MAGEA8: variants seen among roughly 807,000 people sequenced by gnomAD.
MAGEA8 encodes the protein MAGE family member A8.
For missense variants in MAGEA8, 229 were observed against 251.1 expected, an observed-to-expected ratio of 0.91 and a Z score of 0.59; for synonymous variants, 104 against 102.6, an observed-to-expected ratio of 1.01 and a Z score of -0.08.
chrX:149,885,420 A>C lies in MAGEA8; in HGVS notation c.*191A>C. On this transcript the variant is annotated 3_prime_UTR_variant, in exon 3 of 3. Coordinates refer to ENST00000286482, the MANE Select transcript of MAGEA8 (RefSeq NM_005364.5). ...GGTGTGAGGGAACACAGTGTGGACCATCTCTCAGTTCCTGTTCTATTGGGC... is the reference window on the plus strand; with the variant it reads ...GGTGTGAGGGAACACAGTGTGGACCCTCTCTCAGTTCCTGTTCTATTGGGC... The C allele has an allele frequency of 2.6e-6, 1 of 385,610 alleles. No individual in the cohort carries two copies. The allele number at this position is 385,610 out of a possible 1,213,427, so 31.8% of individuals were successfully genotyped here. A position where few individuals can be genotyped will look rare whatever the true frequency, so the allele number is the denominator to read the frequency against.
rs781844689 is a variant in MAGEA8 at position 149,884,576 on chromosome X, G to C, written c.304G>C (p.Ala102Pro). The change falls in exon 3 of 3, where the codon GCT becomes CCT. Residue 102 changes from alanine (A) to proline (P), a missense_variant. Physicochemically the swap from Ala to Pro is conservative, Grantham distance 27. Coordinates refer to ENST00000286482, the MANE Select transcript of MAGEA8 (RefSeq NM_005364.5). ...EEGPSTSPDPAHLESLFREAL... is the reference protein window; with the variant it reads ...EEGPSTSPDPPHLESLFREAL... ...GGGGCCAAGCACCTCCCCGGACCCAGCTCACCTGGAGTCCCTGTTCCGGGA... is the reference window on the plus strand; with the variant it reads ...GGGGCCAAGCACCTCCCCGGACCCACCTCACCTGGAGTCCCTGTTCCGGGA... 1 of 1,211,334 alleles carries C rather than the reference G, an allele frequency of 8.3e-7. No individual in the cohort carries two copies. Among genetic ancestry groups the C allele is most frequent in the East Asian group, 3.0e-5 (1 of 33,856 alleles).
Position 149,885,223 on chromosome X carries a change from A to G in MAGEA8, c.951A>G (p.Gly317=). The change falls in exon 3 of 3, where the codon GGA becomes GGG. Residue 317 remains glycine, a synonymous_variant. Transcript: ENST00000286482. ...AAGAGGCTTTGGGAGAGGAGAAAGGAGTTTGAGCAGGAGTTGCAGCTAGGG... is the reference window on the plus strand; with the variant it reads ...AAGAGGCTTTGGGAGAGGAGAAAGGGGTTTGAGCAGGAGTTGCAGCTAGGG... ...LHEEALGEEK[G]V The G allele has an allele frequency of 8.5e-7, 1 of 1,183,273 alleles. No individual in the cohort carries two copies. Among genetic ancestry groups the G allele is most frequent in the Non-Finnish European group, 1.1e-6 (1 of 879,904 alleles).
intron 1 of MAGEA8, among the ~76,000 whole-genome samples, chrX:149,882,563 A>G (rs5983914): frequency 2.0e-4 from 22 of 110,857 alleles, no homozygotes; most frequent in African/African-American, 6.6e-4. Context: ...TTTGTGATGA[A>G]TGGGGGTACT....
In MAGEA8 at chrX:149,885,410, A is replaced by C; in HGVS notation, c.*181A>C. 2.5e-6 allele frequency: 1 copy of C among 394,901 alleles called. No individual in the cohort carries two copies. The highest frequency in any genetic ancestry group is 4.5e-6 in the Non-Finnish European group (1 of 223,839). The allele number at this position is 394,901 out of a possible 1,213,427, so 32.5% of individuals were successfully genotyped here. ...GAGCATGTTGGGTGTGAGGGAACAC[A>C]GTGTGGACCATCTCTCAGTTCCTGT... On this transcript the variant is annotated 3_prime_UTR_variant, in exon 3 of 3. Transcript: ENST00000286482.
chrX:149,884,418 C>A lies in MAGEA8; in HGVS notation c.146C>A (p.Thr49Asn). 1 of 1,211,174 alleles carries A rather than the reference C, an allele frequency of 8.3e-7. No individual in the cohort carries two copies. Among genetic ancestry groups the A allele is most frequent in the Non-Finnish European group, 1.1e-6 (1 of 894,999 alleles). Residue 49 changes from threonine to asparagine, a missense_variant, in exon 3 of 3, where the codon ACC becomes AAC. Coordinates refer to ENST00000286482, the MANE Select transcript of MAGEA8 (RefSeq NM_005364.5). The stretch of plus-strand genomic sequence containing the variant: ...TCCTCCTCTACTCTGATCATGGGAA[C>A]CCTTGAGGAGGTGACTGATTCTGGG... ...ASSSSTLIMG[T>N]LEEVTDSGSP...
At chrX:149,881,591 A>AGGCATGGCGGCCGGGCATGGCGGCCG (rs781824148) in intron 1 of MAGEA8, among the ~76,000 whole-genome samples, 2,542 of 73,153 alleles carry the variant, frequency 0.035, 184 homozygotes, top group East Asian at 0.064. Context: ...GGGAAGCCCT[A>AGGCATGGCGGCCGGGCATGGCGGCCG]GGCATGGCGG....
chrX:149,885,563 T>C lies in MAGEA8; in HGVS notation c.*334T>C, dbSNP rs938678739. On this transcript the variant is annotated 3_prime_UTR_variant, in exon 3 of 3. Coordinates refer to ENST00000286482, the MANE Select transcript of MAGEA8 (RefSeq NM_005364.5). The stretch of plus-strand genomic sequence containing the variant: ...GACAGTAGACAGACTTACTGCTTTT[T>C]ATATAGTTTAGGAGTAAGAGTCTTG... 1 of 312,460 alleles carries C rather than the reference T, an allele frequency of 3.2e-6. No homozygotes were observed. The highest frequency in any genetic ancestry group is 2.7e-5 in the African/African-American group (1 of 36,953). 25.8% of individuals were successfully genotyped at this position (312,460 alleles called of 1,213,427 possible). A position where few individuals can be genotyped will look rare whatever the true frequency, so the allele number is the denominator to read the frequency against.
Position 149,884,760 on chromosome X carries a change from T to C in MAGEA8, c.488T>C (p.Val163Ala). The C allele has an allele frequency of 8.3e-7, 1 of 1,211,305 alleles. No individual in the cohort carries two copies. The highest frequency in any genetic ancestry group is 1.1e-6 in the Non-Finnish European group (1 of 895,093). ...AGCAAAGCCTCTGAGTGCATGCAGG[T>C]GATCTTTGGCATTGATGTGAAGGAA... is the stretch of plus-strand genomic sequence containing the variant. ...IFSKASECMQ[V>A]IFGIDVKEVD... Residue 163 changes from valine to alanine, a missense_variant, in exon 3 of 3, where the codon GTG (valine) becomes GCG (alanine). By Grantham distance (64) the Val-to-Ala change is moderately conservative (BLOSUM62 0). Coordinates refer to ENST00000286482, the MANE Select transcript of MAGEA8 (RefSeq NM_005364.5).
intron 1 of MAGEA8, among the ~76,000 whole-genome samples, chrX:149,882,500 T>A (rs2090737306): frequency 9.0e-6 from 1 of 111,087 alleles, no homozygotes; most frequent in African/African-American, 3.3e-5. Context: ...GAGCCACACC[T>A]GTTCAACAGA....
rs2090747968 is a variant in MAGEA8, at chrX:149,884,358, A to C, written c.86A>C (p.Gln29Pro). The change falls in exon 3 of 3, where the codon CAG (glutamine) becomes CCG (proline). Residue 29 changes from glutamine to proline, a missense_variant. Coordinates refer to ENST00000286482, the MANE Select transcript of MAGEA8 (RefSeq NM_005364.5). The stretch of plus-strand genomic sequence containing the variant: ...GAGGCACCAGGGCTTATGGATGTGC[A>C]GATTCCCACAGCTGAGGAGCAGAAG... ...QGEAPGLMDV[Q>P]IPTAEEQKAA... 4 of 1,209,909 alleles carry C rather than the reference A, an allele frequency of 3.3e-6. No individual in the cohort carries two copies. In the African/African-American group the frequency reaches 5.2e-5, roughly 16 times the overall value.
chrX:149,881,591 AGGCATGGCGGCCGGGCATGGCGGCCG>A (rs781824148), intron 1 of MAGEA8, among the ~76,000 whole-genome samples: 3,932 of 73,247 alleles, frequency 0.054, 76 homozygotes, highest in Admixed American at 0.073. Flanking sequence ...GGGAAGCCCT[AGGCATGGCGGCCGGGCATGGCGGCCG>A]GGCATGGCGG....
At chrX:149,882,549 T>C (rs1797218022) in intron 1 of MAGEA8, among the ~76,000 whole-genome samples, 2 of 110,821 alleles carry the variant, frequency 1.8e-5, no homozygotes, top group Admixed American at 1.9e-4. Flanking sequence ...CAAGATGTGC[T>C]CACTTTGTGA....
At chrX:149,883,854 C>T (rs1440055871) in intron 1 of MAGEA8, 1 of 123,984 alleles carries the variant, frequency 8.1e-6, no homozygotes, top group African/African-American at 3.2e-5. Context: ...AGGTCTTGGT[C>T]TGAGGCAGTA....
At position 149,884,240 on chromosome X, in the gene MAGEA8, C is replaced by A; in HGVS notation, c.-33C>A. 1 of 1,126,572 alleles carries A rather than the reference C, an allele frequency of 8.9e-7. No homozygotes were observed. Among genetic ancestry groups the A allele is most frequent in the Non-Finnish European group, 1.2e-6 (1 of 831,758 alleles). 92.8% of individuals were successfully genotyped at this position (1,126,572 alleles called of 1,213,427 possible). ...TGGGTCTCAATTGCCCAGCTCCGGC[C>A]CACACTCTCCTGCTGCCCTGACCTG... On this transcript the variant is annotated 5_prime_UTR_variant, in exon 3 of 3. Transcript: ENST00000286482.
rs781811141 is a variant in MAGEA8, at chrX:149,884,696, G to A, written c.424G>A (p.Val142Ile). ...PVTKAEMLES[V>I]IKNYKNHFPD... ...CACAAAGGCAGAAATGCTTGAGAGT[G>A]TCATCAAAAATTACAAGAACCACTT... Residue 142 changes from valine (V) to isoleucine (I), a missense_variant, in exon 3 of 3, where the codon GTC (valine) becomes ATC (isoleucine). Val to Ile is a conservative substitution (Grantham distance 29). Coordinates refer to ENST00000286482, the MANE Select transcript of MAGEA8 (RefSeq NM_005364.5). 1.7e-6 allele frequency: 2 copies of A among 1,211,802 alleles called. No homozygotes were observed. The highest frequency in any genetic ancestry group is 2.2e-5 in the Admixed American group (1 of 46,080).
chrX:149,882,629 TG>T (rs1216139576), intron 1 of MAGEA8, among the ~76,000 whole-genome samples: 1 of 110,609 alleles, frequency 9.0e-6, no homozygotes, highest in Non-Finnish European at 1.9e-5. Flanking sequence ...TTATTATCTC[TG>T]GGGGAACCCG....
At position 149,881,205 on chromosome X, in the gene MAGEA8, G is replaced by A. The variant is rs782235580; in HGVS notation, c.-206G>A. Reference sequence around the variant, plus strand: ...GCCACTGACGTGGCCGCGGGGATCAGAGAGAAGCGAGGGCCTGGTTCTGAG... The same window carrying A: ...GCCACTGACGTGGCCGCGGGGATCAAAGAGAAGCGAGGGCCTGGTTCTGAG... On this transcript the variant is annotated 5_prime_UTR_variant, in exon 1 of 3. Coordinates refer to ENST00000286482, the MANE Select transcript of MAGEA8 (RefSeq NM_005364.5). 1 of 111,838 alleles carries A rather than the reference G, an allele frequency of 8.9e-6. No individual in the cohort carries two copies. Among genetic ancestry groups the A allele is most frequent in the East Asian group, 2.9e-4 (1 of 3,488 alleles). The allele number at this position is 111,838 out of a possible 1,213,427, so 9.2% of individuals were successfully genotyped here.
rs1557371027 is a variant in MAGEA8 at position 149,885,055 on chromosome X, C to T, written c.783C>T (p.Tyr261=). ...GGGTGCAGGAGAACTACCTGGAGTA[C>T]CGCCAGGCGCCCGGCAGTGATCCTG... ...QEWVQENYLE[Y]RQAPGSDPVR... is the part of the protein sequence containing the mutation. The change falls in exon 3 of 3, where the codon TAC becomes TAT. Residue 261 remains tyrosine, a synonymous_variant. Transcript: ENST00000286482. The T allele has an allele frequency of 1.7e-6, 2 of 1,208,784 alleles. No homozygotes were observed. Among genetic ancestry groups the T allele is most frequent in the Admixed American group, 2.2e-5 (1 of 45,789 alleles).
At position 149,884,340 on chromosome X, in the gene MAGEA8, C is replaced by G. The variant is rs782588772; in HGVS notation, c.68C>G (p.Pro23Arg). ...EEGLQAQGEA[P>R]GLMDVQIPTA... is the part of the protein sequence containing the mutation. ...GGCCTTCAGGCCCAAGGAGAGGCAC[C>G]AGGGCTTATGGATGTGCAGATTCCC... The change falls in exon 3 of 3, where the codon CCA becomes CGA. Residue 23 changes from proline to arginine, a missense_variant. Transcript: ENST00000286482. 1 of 1,208,839 alleles carries G rather than the reference C, an allele frequency of 8.3e-7. No homozygotes were observed. Among genetic ancestry groups the G allele is most frequent in the South Asian group, 1.8e-5 (1 of 56,333 alleles).
Sources: allele counts gnomAD v4.1 joint callset (sites outside exome capture counted in the v4.1 genomes callset), GRCh38; gene constraint gnomAD v4.1.1; transcripts MANE v1.5; gene names NCBI Gene and HGNC (gene_info 2026-07-23, HGNC 2026-07-21).